Variants in ABCD4 observed in about 807,000 individuals in gnomAD.
ABCD4 encodes ATP binding cassette subfamily D member 4.
ABCD4 carries 53 observed loss-of-function variants against 86.3 expected under a neutral mutation model. The ratio of observed to expected loss-of-function variants is 0.61; its 90% CI spans 0.49 to 0.77. ABCD4 has a LOEUF of 0.77. Ranked by LOEUF, ABCD4 falls within the 30% of genes least tolerant of loss-of-function variation. The pLI is 0.00. For synonymous variants in ABCD4, 328 were observed against 313.6 expected (o/e 1.05, Z -0.49); for missense variants, 757 against 764.5 (o/e 0.99, Z 0.12).
intron 7 of ABCD4, 165 bp downstream of exon 7, chr14:74,294,983 G>A (rs1403405786): frequency 1.3e-6 from 1 of 781,780 alleles, no homozygotes; most frequent in East Asian, 2.6e-5. Context: ...TGGACCTAAG[G>A]ATGAGGCAGG....
Position 74,287,894 on chromosome 14 carries a change from A to G in ABCD4, c.1560-8T>C. 6.2e-7 allele frequency: 1 copy of G among 1,610,788 alleles called. No individual in the cohort carries two copies. Among genetic ancestry groups the G allele is most frequent in the East Asian group, 2.2e-5 (1 of 44,774 alleles). On this transcript the variant is annotated splice_region_variant and splice_polypyrimidine_tract_variant and intron_variant, in intron 16 of 18. Coordinates refer to ENST00000356924, the MANE Select transcript of ABCD4 (RefSeq NM_005050.4). ...GGGGACAGAACATCATACCTGAGGA[A>G]AGGTAGGAGAGAGGACTGCTAGAGG... is the stretch of plus-strand genomic sequence containing the variant.
Position 74,289,553 on chromosome 14 carries a change from G to A in ABCD4, c.1420-34C>T, listed in dbSNP as rs3213500. 5.0e-4 allele frequency: 805 copies of A among 1,611,698 alleles called. 16 individuals are homozygous for A. In the East Asian group the frequency reaches 0.017, roughly 33 times the overall value. On this transcript the variant is annotated intron_variant, in intron 13 of 18. Coordinates refer to ENST00000356924, the MANE Select transcript of ABCD4 (RefSeq NM_005050.4). Reference sequence around the variant, plus strand: ...AGAAAAAAACCACACCAACCTAGGAGGGCGAGCAAAAGACGGAGCTGCACA... The same window carrying A: ...AGAAAAAAACCACACCAACCTAGGAAGGCGAGCAAAAGACGGAGCTGCACA...
intron 8 of ABCD4, 59 bp downstream of exon 8, chr14:74,293,095 G>A: frequency 6.5e-7 from 1 of 1,550,256 alleles, no homozygotes; most frequent in Admixed American, 1.7e-5. Context: ...AGAGGTGTGG[G>A]AAGGGAAGCA....
chr14:74,288,463 T>A, intron 15 of ABCD4: 1 of 650,692 alleles, frequency 1.5e-6, no homozygotes, highest in Non-Finnish European at 2.6e-6. Context: ...TTAGACTTGC[T>A]GGAGCATGAT....
At chr14:74,290,241 C>T (rs1305825832) in intron 12 of ABCD4, 50 bp downstream of exon 12, 9 of 1,612,690 alleles carry the variant, frequency 5.6e-6, no homozygotes, top group Non-Finnish European at 7.6e-6. Context: ...GCCTTCACCC[C>T]ACCCCTAGGG....
In ABCD4 at chr14:74,302,913, G is replaced by A. The variant is rs545943066; in HGVS notation, c.-1C>T. 16 of 1,608,198 alleles carry A rather than the reference G, an allele frequency of 9.9e-6. No homozygotes were observed. The highest frequency in any genetic ancestry group is 1.7e-5 in the Admixed American group (1 of 59,310). On this transcript the variant is annotated 5_prime_UTR_variant, in exon 1 of 19. Coordinates refer to ENST00000356924, the MANE Select transcript of ABCD4 (RefSeq NM_005050.4). ...CGGGCGCGGGCCCCGCGACCGCCAT[G>A]ACCTGAGACCCGAGGGACTCTGGAG...
rs375603941 is a variant in ABCD4 at position 74,287,144 on chromosome 14, C to T, written c.1637-328G>A. Among the ~76,000 whole-genome samples the T allele has an allele frequency of 3.3e-4, 50 of 152,350 alleles. No individual in the cohort carries two copies. The East Asian group carries it at 4.0e-3, about 12-fold the overall frequency. ...AGTCCACACCCATCCACCTGCCAGG[C>T]ACAGCTTGGTGGGAGAGGAGGATGG... On this transcript the variant is annotated intron_variant, in intron 17 of 18. Transcript: ENST00000356924.
At position 74,286,477 on chromosome 14, in the gene ABCD4, C is replaced by G. The variant is rs1476031630; in HGVS notation, c.1805G>C (p.Arg602Thr). 6.2e-7 allele frequency: 1 copy of G among 1,614,124 alleles called. No individual in the cohort carries two copies. Among genetic ancestry groups the G allele is most frequent in the Non-Finnish European group, 8.5e-7 (1 of 1,180,062 alleles). Residue 602 changes from arginine to threonine, a missense_variant, in exon 19 of 19, where the codon AGA (arginine) becomes ACA (threonine). Transcript: ENST00000356924. ...GCCAGAGCTTCATTCCACTTTGATT[C>G]TCATCAGCTCCCATCTTCCTCCTCC... Reference protein sequence around the residue: ...LCGGGRWELMRIKVE With the variant: ...LCGGGRWELMTIKVE
chr14:74,299,520 G>C (rs2083760377), intron 3 of ABCD4, 28 bp downstream of exon 3: 1 of 1,611,458 alleles, frequency 6.2e-7, no homozygotes, highest in Non-Finnish European at 8.5e-7. Context: ...GAGAGGACGA[G>C]AGACACAGAG....
chr14:74,301,384 T>G (rs1231602385), intron 1 of ABCD4, among the ~76,000 whole-genome samples: 1 of 152,078 alleles, frequency 6.6e-6, no homozygotes, highest in Non-Finnish European at 1.5e-5. Context: ...GATCTTGAAC[T>G]CCTGGACTCC....
At position 74,300,296 on chromosome 14, in the gene ABCD4, A is replaced by G. The variant is rs751756131; in HGVS notation, c.39-28T>C. 10 of 1,469,856 alleles carry G rather than the reference A, an allele frequency of 6.8e-6. No homozygotes were observed. In the African/African-American group the frequency reaches 1.1e-4, roughly 16 times the overall value. The allele number at this position is 1,469,856 out of a possible 1,614,324, so 91.1% of individuals were successfully genotyped here. A position where few individuals can be genotyped will look rare whatever the true frequency, so the allele number is the denominator to read the frequency against. On this transcript the variant is annotated intron_variant, in intron 1 of 18. Coordinates refer to ENST00000356924, the MANE Select transcript of ABCD4 (RefSeq NM_005050.4). ...GAAGAGAAGGTGGGGAGGCAGAGAA[A>G]AGCCCAAGACAATAATTAAGCCTTA...
chr14:74,288,277 G>A lies in ABCD4; in HGVS notation c.1507-18C>T, dbSNP rs368891249. The A allele has an allele frequency of 8.0e-5, 128 of 1,602,496 alleles. No individual in the cohort carries two copies. In the African/African-American group the frequency reaches 1.4e-3, roughly 18 times the overall value. On this transcript the variant is annotated intron_variant, in intron 15 of 18. Transcript: ENST00000356924. ...AAGTTGGACTGTAACAGACCCAGAG[G>A]GCAGGATGTCCATGAAATGGCCAGC...
At position 74,286,743 on chromosome 14, in the gene ABCD4, C is replaced by A. The variant is rs138862492; in HGVS notation, c.1710G>T (p.Gly570=). The A allele has an allele frequency of 6.8e-5, 110 of 1,614,140 alleles. No individual in the cohort carries two copies. In the African/African-American group the frequency reaches 1.3e-3, roughly 19 times the overall value. Residue 570 remains glycine (G), a synonymous_variant, in exon 18 of 19, where the codon GGG becomes GGT. Coordinates refer to ENST00000356924, the MANE Select transcript of ABCD4 (RefSeq NM_005050.4). Reference sequence around the variant, plus strand: ...GATGTCCCACACTGATGAACGTCATCCCCAGCTGCTGGCCGATGCGATAGA... The same window carrying A: ...GATGTCCCACACTGATGAACGTCATACCCAGCTGCTGGCCGATGCGATAGA... The part of the protein sequence containing the change: ...SELYRIGQQL[G]MTFISVGHRQ...
intron 11 of ABCD4, 51 bp from the exon 12 acceptor site, chr14:74,290,550 G>T: frequency 6.9e-7 from 1 of 1,449,002 alleles, no homozygotes; most frequent in Non-Finnish European, 9.6e-7. Flanking sequence ...GGTCAGTATT[G>T]CTGTGGGGGA....
At chr14:74,298,357 C>T (rs1247750630) in intron 3 of ABCD4, among the ~76,000 whole-genome samples, 3 of 152,142 alleles carry the variant, frequency 2.0e-5, no homozygotes, top group Non-Finnish European at 4.4e-5. Flanking sequence ...CCACAACCTC[C>T]GCCTCCCAGT....
At chr14:74,299,264 T>A (rs2083676904) in intron 3 of ABCD4, 2 of 272,776 alleles carry the variant, frequency 7.3e-6, no homozygotes, top group Admixed American at 4.9e-5. Flanking sequence ...GAAATAAGAG[T>A]TCTAGGAAGG....
intron 5 of ABCD4, 133 bp from the exon 6 acceptor site, chr14:74,296,112 C>A: frequency 7.8e-7 from 1 of 1,287,684 alleles, no homozygotes. Flanking sequence ...CCCTCTGCTC[C>A]TATGTGGGGG....
chr14:74,302,578 T>C (rs2084941033), intron 1 of ABCD4, among the ~76,000 whole-genome samples: 1 of 152,044 alleles, frequency 6.6e-6, no homozygotes, highest in Admixed American at 6.5e-5. Flanking sequence ...ATCAACTCAA[T>C]TTTGTGCACC....
intron 12 of ABCD4, 45 bp downstream of exon 12, chr14:74,290,246 C>T: frequency 1.2e-6 from 2 of 1,612,810 alleles, no homozygotes; most frequent in Non-Finnish European, 1.7e-6. Context: ...CACCCCACCC[C>T]TAGGGCCCAG....
Sources: allele counts gnomAD v4.1 joint callset (sites outside exome capture counted in the v4.1 genomes callset), GRCh38; gene constraint gnomAD v4.1.1; transcripts MANE v1.5; gene names NCBI Gene and HGNC (gene_info 2026-07-23, HGNC 2026-07-21).